TGM5: variants seen among roughly 807,000 people sequenced by gnomAD.
TGM5 encodes transglutaminase 5, also known as protein-glutamine gamma-glutamyltransferase 5.
In TGM5, 69 loss-of-function variants were observed where a neutral mutation model predicts 77.2. That is an observed-to-expected ratio of 0.89 (90% CI 0.74 to 1.09). TGM5 has a LOEUF of 1.09. TGM5 is among the 50% of genes least tolerant of loss of function. The pLI is 0.00. For missense variants in TGM5, 842 were observed against 896.5 expected, an observed-to-expected ratio of 0.94 and a Z score of 0.78; for synonymous variants, 346 against 351.8, an observed-to-expected ratio of 0.98 and a Z score of 0.18.
At chr15:43,244,464 A>AC (rs2042658186) in intron 6 of TGM5, among the ~76,000 whole-genome samples, 2 of 152,128 alleles carry the variant, frequency 1.3e-5, no homozygotes, top group Admixed American at 1.3e-4. Flanking sequence ...TGAAAGAGAA[A>AC]CCCATGTGTG....
At chr15:43,262,014 C>A (rs760103451) in intron 1 of TGM5, among the ~76,000 whole-genome samples, 30 of 152,320 alleles carry the variant, frequency 2.0e-4, no homozygotes, top group Middle Eastern at 3.4e-3. Context: ...CACTTCTCAT[C>A]ATTCCCAGCA....
In TGM5 at chr15:43,260,447, C is replaced by T. The variant is rs1405028295; in HGVS notation, c.143G>A (p.Arg48Gln). ...AFNLTLYFRNRSFQPGLDNII... is the reference protein window; with the variant it reads ...AFNLTLYFRNQSFQPGLDNII... ...GTTGTCCAGGCCTGGCTGGAAGCTCCGGTTCCTGAAGTACAGGGTGAGGTT... is the reference window on the plus strand; with the variant it reads ...GTTGTCCAGGCCTGGCTGGAAGCTCTGGTTCCTGAAGTACAGGGTGAGGTT... The change falls in exon 2 of 13, where the codon CGG becomes CAG. Residue 48 changes from arginine (R) to glutamine (Q), a missense_variant. Arg to Gln is a conservative substitution (Grantham distance 43). Coordinates refer to ENST00000220420, the MANE Select transcript of TGM5 (RefSeq NM_201631.4). The T allele has an allele frequency of 5.6e-6, 9 of 1,614,050 alleles. No individual in the cohort carries two copies. Among genetic ancestry groups the T allele is most frequent in the African/African-American group, 1.3e-5 (1 of 74,920 alleles).
At chr15:43,237,261 C>G (rs2042597070) in intron 9 of TGM5, among the ~76,000 whole-genome samples, 1 of 152,228 alleles carries the variant, frequency 6.6e-6, no homozygotes, top group African/African-American at 2.4e-5. Context: ...ATTGCAGCCC[C>G]TGCAACTCTG....
intron 1 of TGM5, among the ~76,000 whole-genome samples, chr15:43,265,616 G>A (rs754665111): frequency 2.6e-5 from 4 of 152,212 alleles, no homozygotes; most frequent in Non-Finnish European, 4.4e-5. Context: ...TTTCCTTGAG[G>A]TGAGAGGAGA....
chr15:43,248,695 C>G (rs1222574411), intron 6 of TGM5, among the ~76,000 whole-genome samples: 1 of 152,144 alleles, frequency 6.6e-6, no homozygotes, highest in Non-Finnish European at 1.5e-5. Context: ...TGTGTTTAGT[C>G]CAGGGCACTG....
At chr15:43,251,048 C>G (rs1376689106) in intron 6 of TGM5, among the ~76,000 whole-genome samples, 1 of 152,224 alleles carries the variant, frequency 6.6e-6, no homozygotes, top group Non-Finnish European at 1.5e-5. Context: ...AGATGCTAGG[C>G]TTTTCCACAC....
In TGM5 at chr15:43,253,527, G is replaced by C; in HGVS notation, c.663C>G (p.Val221=). 1 of 1,613,004 alleles carries C rather than the reference G, an allele frequency of 6.2e-7. No individual in the cohort carries two copies. The highest frequency in any genetic ancestry group is 8.5e-7 in the Non-Finnish European group (1 of 1,180,036). The change falls in exon 5 of 13, where the codon GTC becomes GTG. Residue 221 remains valine, a synonymous_variant. Coordinates refer to ENST00000220420, the MANE Select transcript of TGM5 (RefSeq NM_201631.4). ...DCALRGSPVY[V]SRVVCAMINS... is the part of the protein sequence containing the mutation. Reference sequence around the variant, plus strand: ...TCACCATGGCACACACCACTCTGCTGACGTAGACGGGGCTTCCCCGCAGAG... The same window carrying C: ...TCACCATGGCACACACCACTCTGCTCACGTAGACGGGGCTTCCCCGCAGAG...
intron 11 of TGM5, 144 bp from the exon 12 acceptor site, chr15:43,233,831 A>T (rs564117961): frequency 2.0e-6 from 2 of 981,388 alleles, no homozygotes; most frequent in Non-Finnish European, 3.1e-6. Flanking sequence ...AGCCGAAGAC[A>T]ATTGAGAAGA....
At chr15:43,253,822 C>G (rs139128429) in intron 4 of TGM5, among the ~76,000 whole-genome samples, 188 bp from the exon 5 acceptor site, 1 of 152,332 alleles carries the variant, frequency 6.6e-6, no homozygotes, top group East Asian at 1.9e-4. Flanking sequence ...CACAATTCAC[C>G]TGGTGCATAT....
In TGM5 at chr15:43,234,922, G is replaced by C. The variant is rs1466399102; in HGVS notation, c.1722C>G (p.Thr574=). ...FITLSPKEAK[T]YPCKISYSQY... ...GGGAATAGGAGATTTTGCAGGGGTAGGTCTTTGCTAAAGAAAGAACACAAG... is the reference window on the plus strand; with the variant it reads ...GGGAATAGGAGATTTTGCAGGGGTACGTCTTTGCTAAAGAAAGAACACAAG... Residue 574 remains threonine, a synonymous_variant, in exon 11 of 13, where the codon ACC becomes ACG. Transcript: ENST00000220420. 5 of 1,613,892 alleles carry C rather than the reference G, an allele frequency of 3.1e-6. No individual in the cohort carries two copies. Among genetic ancestry groups the C allele is most frequent in the Non-Finnish European group, 2.5e-6 (3 of 1,179,966 alleles).
chr15:43,238,907 C>G lies in TGM5; in HGVS notation c.1255G>C (p.Asp419His), dbSNP rs1566829086. The G allele has an allele frequency of 1.9e-6, 3 of 1,614,226 alleles. No individual in the cohort carries two copies. Among genetic ancestry groups the G allele is most frequent in the Non-Finnish European group, 2.5e-6 (3 of 1,180,042 alleles). The change falls in exon 9 of 13, where the codon GAC (aspartate) becomes CAC (histidine). Residue 419 changes from aspartate to histidine, a missense_variant. By Grantham distance (81) the Asp-to-His change is moderately conservative. Transcript: ENST00000220420. ...QGGKEQKLHQ[D>H]TSSVGNFIST... Reference sequence around the variant, plus strand: ...ATAAAATTGCCAACAGAACTCGTGTCCTGGTGAAGCTTCTGCTCCTTCCCT... The same window carrying G: ...ATAAAATTGCCAACAGAACTCGTGTGCTGGTGAAGCTTCTGCTCCTTCCCT...
At position 43,252,952 on chromosome 15, in the gene TGM5, A is replaced by C. The variant is rs2042716393; in HGVS notation, c.685-16T>G. 6.2e-7 allele frequency: 1 copy of C among 1,611,678 alleles called. No homozygotes were observed. Among genetic ancestry groups the C allele is most frequent in the African/African-American group, 1.3e-5 (1 of 74,914 alleles). ...TGCTGTTGATCTGAAGAGAAGCCAT[A>C]TAGAGAAGTGTTAGAAACATCCATT... is the stretch of plus-strand genomic sequence containing the variant. On this transcript the variant is annotated splice_polypyrimidine_tract_variant and intron_variant, in intron 5 of 12. Coordinates refer to ENST00000220420, the MANE Select transcript of TGM5 (RefSeq NM_201631.4).
intron 9 of TGM5, among the ~76,000 whole-genome samples, chr15:43,236,050 T>C (rs139747485): frequency 1.0e-3 from 154 of 152,288 alleles, no homozygotes; most frequent in African/African-American, 3.6e-3. Context: ...GCAAGGTGTA[T>C]TACCATTAGC....
In TGM5 at chr15:43,233,375, C is replaced by T. The variant is rs565951224; in HGVS notation, c.2010-31G>A. 101 of 1,612,514 alleles carry T rather than the reference C, an allele frequency of 6.3e-5. No individual in the cohort carries two copies. In the East Asian group the frequency reaches 2.1e-3, roughly 33 times the overall value. On this transcript the variant is annotated intron_variant, in intron 12 of 12. Transcript: ENST00000220420. The stretch of plus-strand genomic sequence containing the variant: ...ACAGAGAATGGAGCATGTCAGAAAA[C>T]CAAAAGCATGATAATGACCCTGGAG...
chr15:43,259,992 GTC>G (rs2042772323), intron 3 of TGM5, 58 bp downstream of exon 3: 1 of 1,610,492 alleles, frequency 6.2e-7, no homozygotes, highest in African/African-American at 1.3e-5. Flanking sequence ...CCTTGAGCCT[GTC>G]TCTCTGGCAG....
At chr15:43,253,956 C>T (rs1255866454) in intron 4 of TGM5, among the ~76,000 whole-genome samples, 3 of 136,232 alleles carry the variant, frequency 2.2e-5, no homozygotes, top group African/African-American at 3.2e-5. Context: ...TCAGTTCCCA[C>T]ACTCCTAGAG....
At chr15:43,261,307 T>G (rs2042789382) in intron 1 of TGM5, among the ~76,000 whole-genome samples, 1 of 151,980 alleles carries the variant, frequency 6.6e-6, no homozygotes, top group Middle Eastern at 3.2e-3. Flanking sequence ...GCGAGAATGG[T>G]CTGGATCTCC....
In TGM5 at chr15:43,242,686, G is replaced by T. The variant is rs148557114; in HGVS notation, c.863-1696C>A. ...CTGGATGCGACCAGAAAAGGGAGGGGAGAAGCCCAAAGGGAGCCTTGAGCT... is the reference window on the plus strand; with the variant it reads ...CTGGATGCGACCAGAAAAGGGAGGGTAGAAGCCCAAAGGGAGCCTTGAGCT... On this transcript the variant is annotated intron_variant, in intron 6 of 12. Coordinates refer to ENST00000220420, the MANE Select transcript of TGM5 (RefSeq NM_201631.4). Among the ~76,000 whole-genome samples, 116 of 152,364 alleles carry T rather than the reference G, an allele frequency of 7.6e-4. 1 individual carries two copies. Among genetic ancestry groups the T allele is most frequent in the African/African-American group, 2.7e-3 (111 of 41,582 alleles).
At chr15:43,248,515 A>G (rs1013578911) in intron 6 of TGM5, among the ~76,000 whole-genome samples, 2 of 152,228 alleles carry the variant, frequency 1.3e-5, no homozygotes, top group African/African-American at 4.8e-5. Context: ...CTGGAGCCCA[A>G]GAGGCAGAGA....
Sources: gnomAD v4.1 joint callset for allele counts (sites outside exome capture counted in the v4.1 genomes callset) on GRCh38, gnomAD v4.1.1 for gene constraint, MANE v1.5 for transcripts, NCBI Gene and HGNC (gene_info 2026-07-23, HGNC 2026-07-21) for gene names.